Variants in DLG2 observed in about 807,000 individuals in gnomAD.
DLG2 encodes discs large MAGUK scaffold protein 2, also known as disks large homolog 2.
A neutral mutation model predicts 132.5 loss-of-function variants in DLG2; 45 were observed. The ratio of observed to expected loss-of-function variants is 0.34; its 90% confidence interval spans 0.27 to 0.44. The LOEUF is 0.44. Among genes scored for constraint, DLG2 ranks in the 20% least tolerant of loss-of-function variants. The pLI is 1.00. For synonymous variants in DLG2, 424 were observed against 419.6 expected (o/e 1.01, Z -0.13); for missense variants, 1,045 against 1,196.9 (o/e 0.87, Z 1.87).
At chr11:84,126,335 T>C (rs1023015247) in intron 9 of DLG2, among the ~76,000 whole-genome samples, 3 of 152,134 alleles carry the variant, frequency 2.0e-5, no homozygotes, top group African/African-American at 7.2e-5. Flanking sequence ...AGAAAATTTA[T>C]GAAGACTGTA....
intron 3 of DLG2, among the ~76,000 whole-genome samples, chr11:85,338,594 A>C (rs1380231048): frequency 6.6e-6 from 1 of 152,060 alleles, no homozygotes; most frequent in East Asian, 1.9e-4. Context: ...CCATATTACC[A>C]GATTATTTGA....
At chr11:84,508,744 C>T (rs1365314285) in intron 7 of DLG2, among the ~76,000 whole-genome samples, 1 of 152,120 alleles carries the variant, frequency 6.6e-6, no homozygotes, top group African/African-American at 2.4e-5. Flanking sequence ...TAGCACTTAC[C>T]ATCATCTGAC....
chr11:84,207,574 AC>A (rs1473171494), intron 8 of DLG2, among the ~76,000 whole-genome samples: 1 of 152,170 alleles, frequency 6.6e-6, no homozygotes, highest in African/African-American at 2.4e-5. Context: ...GTGCTGGATT[AC>A]CTGGATATCT....
chr11:85,286,529 T>C (rs1288203345), intron 3 of DLG2, among the ~76,000 whole-genome samples: 3 of 152,128 alleles, frequency 2.0e-5, no homozygotes, highest in African/African-American at 7.2e-5. Context: ...TTGGCCTCTG[T>C]GCAGCATTGC....
At chr11:85,523,003 CA>C (rs770128186) in intron 3 of DLG2, among the ~76,000 whole-genome samples, 13 of 152,132 alleles carry the variant, frequency 8.5e-5, no homozygotes, top group Admixed American at 2.0e-4. Context: ...TGGGAGGAGA[CA>C]GGGGCAGAAT....
intron 7 of DLG2, among the ~76,000 whole-genome samples, chr11:84,483,440 A>G (rs2099143060): frequency 1.7e-5 from 1 of 58,364 alleles, no homozygotes; most frequent in Non-Finnish European, 3.1e-5. Context: ...CAAAAAAAAA[A>G]AAAAAAAAAA....
At chr11:83,980,725 A>G in intron 11 of DLG2, 83 bp from the exon 12 acceptor site, 1 of 1,356,574 alleles carries the variant, frequency 7.4e-7, no homozygotes, top group Non-Finnish European at 9.7e-7. Context: ...ACATTTTAAC[A>G]GTTTTTAAAA....
intron 6 of DLG2, among the ~76,000 whole-genome samples, chr11:84,861,387 A>G (rs897336854): frequency 1.3e-5 from 2 of 152,104 alleles, no homozygotes; most frequent in African/African-American, 2.4e-5. Context: ...AACTTCTGAC[A>G]TTACCGACCC....
At chr11:85,533,110 C>T (rs2075329541) in intron 3 of DLG2, among the ~76,000 whole-genome samples, 1 of 151,962 alleles carries the variant, frequency 6.6e-6, no homozygotes, top group Non-Finnish European at 1.5e-5. Flanking sequence ...TGCAACCTCC[C>T]CCTCCCGGGT....
chr11:85,041,222 C>T (rs2061833186), intron 6 of DLG2, among the ~76,000 whole-genome samples: 1 of 151,854 alleles, frequency 6.6e-6, no homozygotes, highest in Non-Finnish European at 1.5e-5. Flanking sequence ...AGTGCAGTAG[C>T]AGTGATACTA....
chr11:84,714,573 C>CTCTTTCTCTTTCTCTTTCTCTT, intron 6 of DLG2, among the ~76,000 whole-genome samples: 1 of 130,708 alleles, frequency 7.7e-6, no homozygotes, highest in South Asian at 2.4e-4. Flanking sequence ...CTTTCTCTTT[C>CTCTTTCTCTTTCTCTTTCTCTT]TCTTTCTCTT....
intron 3 of DLG2, among the ~76,000 whole-genome samples, chr11:85,319,653 T>C (rs896156683): frequency 2.6e-5 from 4 of 151,832 alleles, no homozygotes; most frequent in Non-Finnish European, 5.9e-5. Context: ...AGTGTCTGAA[T>C]AGTTTGAAAA....
At chr11:84,710,127 T>A (rs1166092352) in intron 6 of DLG2, among the ~76,000 whole-genome samples, 2 of 151,926 alleles carry the variant, frequency 1.3e-5, no homozygotes, top group East Asian at 3.9e-4. Context: ...TTGAATAGCA[T>A]ATAGATTAAT....
intron 4 of DLG2, among the ~76,000 whole-genome samples, chr11:85,226,410 A>G (rs949215189): frequency 1.3e-5 from 2 of 152,046 alleles, no homozygotes; most frequent in Non-Finnish European, 2.9e-5. Context: ...CCTAAGTTTC[A>G]CATTTGAATA....
intron 18 of DLG2, among the ~76,000 whole-genome samples, chr11:83,684,886 G>C (rs1199271693): frequency 6.6e-6 from 1 of 151,886 alleles, no homozygotes; most frequent in Non-Finnish European, 1.5e-5. Flanking sequence ...CTGTTCCCCT[G>C]TCACGAATAA....
chr11:84,880,317 T>A (rs1161908887), intron 6 of DLG2, among the ~76,000 whole-genome samples: 3 of 152,056 alleles, frequency 2.0e-5, no homozygotes, highest in Admixed American at 2.0e-4. Flanking sequence ...ACATGAATAA[T>A]TTCCAACTGG....
chr11:83,469,133 A>AT (rs1408414899), intron 25 of DLG2, 68 bp downstream of exon 25: 3 of 1,317,736 alleles, frequency 2.3e-6, no homozygotes, highest in African/African-American at 3.0e-5. Flanking sequence ...GACCAAAAAA[A>AT]AAAAAAAATG....
At chr11:85,607,278 A>G (rs2080637177) in intron 2 of DLG2, among the ~76,000 whole-genome samples, 1 of 152,226 alleles carries the variant, frequency 6.6e-6, no homozygotes, top group South Asian at 2.1e-4. Flanking sequence ...CAGAGTTGGG[A>G]GCATTGGTTT....
At chr11:85,530,550 T>A (rs538419520) in intron 3 of DLG2, among the ~76,000 whole-genome samples, 1 of 151,868 alleles carries the variant, frequency 6.6e-6, no homozygotes, top group Non-Finnish European at 1.5e-5. Flanking sequence ...CTTGAACTCC[T>A]CACCTTGTCA....
Sources: gnomAD v4.1 joint callset for allele counts (sites outside exome capture counted in the v4.1 genomes callset) on GRCh38, gnomAD v4.1.1 for gene constraint, MANE v1.5 for transcripts, NCBI Gene and HGNC (gene_info 2026-07-23, HGNC 2026-07-21) for gene names.